The following NUDT6 variants were observed in gnomAD, a reference collection of about 807,000 sequenced individuals.
NUDT6 encodes FAD diphosphatase NUDT6.
In NUDT6, 24 loss-of-function variants were observed where a neutral mutation model predicts 36.8. The ratio of observed to expected loss-of-function variants is 0.65; its 90% CI spans 0.47 to 0.92. The LOEUF is 0.92. NUDT6 is among the 40% of genes least tolerant of loss of function. The pLI is 0.00. For missense variants in NUDT6, 388 were observed against 392.8 expected (o/e 0.99, Z 0.10); for synonymous variants, 163 against 157.0 (o/e 1.04, Z -0.29).
upstream of NUDT6, chr4:122,922,773 GA>G: frequency 1.7e-6 from 1 of 586,502 alleles, no homozygotes; most frequent in Non-Finnish European, 3.0e-6. Flanking sequence ...GTTAAGCGGG[GA>G]AAACCTCCTC....
At chr4:122,905,775 G>A (rs1238144258) in intron 3 of NUDT6, among the ~76,000 whole-genome samples, 1 of 152,112 alleles carries the variant, frequency 6.6e-6, no homozygotes, top group Non-Finnish European at 1.5e-5. Flanking sequence ...ATATTTGGAG[G>A]CTAAGACTGC....
chr4:122,898,104 ATATTG>A (rs1183068673), intron 3 of NUDT6: 1 of 159,850 alleles, frequency 6.3e-6, no homozygotes, highest in African/African-American at 2.4e-5. Flanking sequence ...TCTATTTCCT[ATATTG>A]TATTTCTAAT....
rs772875454 is a variant in NUDT6 at position 122,922,493 on chromosome 4, C to A, written c.80G>T (p.Arg27Leu). ...GTAACCCTGTGCGCCCGAGGCCCAG[C>A]GGTAACCCGCCGAAGGCCCGGGGCC... Reference protein sequence around the residue: ...TYGPGPSAGYRWASGAQGYVR... With the variant: ...TYGPGPSAGYLWASGAQGYVR... Residue 27 changes from arginine (R) to leucine (L), a missense_variant, in exon 1 of 5, where the codon CGC (arginine) becomes CTC (leucine). Coordinates refer to ENST00000304430, the MANE Select transcript of NUDT6 (RefSeq NM_007083.5). 5 of 1,610,754 alleles carry A rather than the reference C, an allele frequency of 3.1e-6. No homozygotes were observed. The highest frequency in any genetic ancestry group is 1.1e-5 in the South Asian group (1 of 91,034).
chr4:122,917,412 T>C, intron 2 of NUDT6, 89 bp downstream of exon 2: 3 of 1,079,832 alleles, frequency 2.8e-6, no homozygotes, highest in Admixed American at 3.4e-5. Context: ...TCATTCCACA[T>C]GAATAAACTA....
At position 122,897,682 on chromosome 4, in the gene NUDT6, C is replaced by A; in HGVS notation, c.499-4G>T. ...GAAACTTCCACATATTTTTCAACTG[C>A]AGTATAAAGTCAGAAAATAAAGTTA... On this transcript the variant is annotated splice_polypyrimidine_tract_variant and splice_region_variant and intron_variant, in intron 3 of 4. Coordinates refer to ENST00000304430, the MANE Select transcript of NUDT6 (RefSeq NM_007083.5). 8.8e-6 allele frequency: 14 copies of A among 1,595,472 alleles called. No homozygotes were observed. The highest frequency in any genetic ancestry group is 1.2e-5 in the Non-Finnish European group (14 of 1,163,104).
At chr4:122,919,854 C>T (rs1727930135) in intron 1 of NUDT6, 1 of 152,180 alleles carries the variant, frequency 6.6e-6, no homozygotes, top group African/African-American at 2.4e-5. Context: ...ATTTAATATT[C>T]CATGCATTTG....
chr4:122,921,661 G>A (rs918048389), intron 1 of NUDT6: 2 of 149,866 alleles, frequency 1.3e-5, no homozygotes, highest in South Asian at 2.1e-4. Context: ...CTGGATTATG[G>A]TTGAATGCTT....
intron 3 of NUDT6, among the ~76,000 whole-genome samples, chr4:122,908,150 G>C (rs771159403): frequency 6.6e-6 from 1 of 152,142 alleles, no homozygotes; most frequent in Non-Finnish European, 1.5e-5. Context: ...GATGTGTAGG[G>C]AGGTTGGACA....
chr4:122,896,532 T>G (rs1030904029), intron 4 of NUDT6: 2 of 152,176 alleles, frequency 1.3e-5, no homozygotes, highest in Non-Finnish European at 2.9e-5. Flanking sequence ...AATTAGGCTG[T>G]AGAACAAATG....
Position 122,920,001 on chromosome 4 carries a change from A to T in NUDT6, c.239-2297T>A, listed in dbSNP as rs532886080. The T allele has an allele frequency of 3.3e-5, 5 of 152,368 alleles. No individual in the cohort carries two copies. The South Asian group carries it at 1.0e-3, about 32-fold the overall frequency. The allele number at this position is 152,368 out of a possible 1,614,324, so 9.4% of individuals were successfully genotyped here. A position where few individuals can be genotyped will look rare whatever the true frequency, so the allele number is the denominator to read the frequency against. ...CAGTGCTATTTCATTACTGATGCAG[A>T]TATGTTATGTGTGAAGCTAACAACA... On this transcript the variant is annotated intron_variant, in intron 1 of 4. Coordinates refer to ENST00000304430, the MANE Select transcript of NUDT6 (RefSeq NM_007083.5).
Position 122,917,410 on chromosome 4 carries a change from C to T in NUDT6, c.442+91G>A. 9.4e-6 allele frequency: 10 copies of T among 1,067,380 alleles called. No homozygotes were observed. In the South Asian group the frequency reaches 1.3e-4, roughly 14 times the overall value. 66.1% of individuals were successfully genotyped at this position (1,067,380 alleles called of 1,614,324 possible). ...TCATTTAATCAAATAACTCATTCCACATGAATAAACTATTTGCTTAGCTGT... is the reference window on the plus strand; with the variant it reads ...TCATTTAATCAAATAACTCATTCCATATGAATAAACTATTTGCTTAGCTGT... On this transcript the variant is annotated intron_variant, in intron 2 of 4. Coordinates refer to ENST00000304430, the MANE Select transcript of NUDT6 (RefSeq NM_007083.5).
At position 122,922,546 on chromosome 4, in the gene NUDT6, G is replaced by C. The variant is rs1208902275; in HGVS notation, c.27C>G (p.Arg9=). Residue 9 remains arginine, a synonymous_variant, in exon 1 of 5, where the codon CGC becomes CGG. Coordinates refer to ENST00000304430, the MANE Select transcript of NUDT6 (RefSeq NM_007083.5). ...AGGTTCGGGCAAGCATCGCGCGCCA[G>C]CGGCCCCAGCTCAGTGGCTGCCGCA... The part of the protein sequence containing the change: MRQPLSWG[R]WRAMLARTYG... The C allele has an allele frequency of 1.2e-6, 2 of 1,602,446 alleles. No individual in the cohort carries two copies. The highest frequency in any genetic ancestry group is 2.2e-5 in the South Asian group (2 of 90,850).
intron 3 of NUDT6, among the ~76,000 whole-genome samples, chr4:122,902,241 C>A (rs1477062271): frequency 6.7e-6 from 1 of 150,284 alleles, no homozygotes; most frequent in Admixed American, 6.7e-5. Flanking sequence ...ATGTATATGG[C>A]AAGCATAAAG....
At chr4:122,911,037 A>G (rs1727722441) in intron 3 of NUDT6, among the ~76,000 whole-genome samples, 1 of 152,234 alleles carries the variant, frequency 6.6e-6, no homozygotes, top group Admixed American at 6.5e-5. Context: ...TGTTTTAAAC[A>G]TAACAAAAGA....
In NUDT6 at chr4:122,892,583, G is replaced by A. The variant is rs1727216746; in HGVS notation, c.*245C>T. On this transcript the variant is annotated 3_prime_UTR_variant, in exon 5 of 5. Coordinates refer to ENST00000304430, the MANE Select transcript of NUDT6 (RefSeq NM_007083.5). Reference sequence around the variant, plus strand: ...AGAAAAATAACAAAAGTTGTAAAATGTATATTCTCCCTTTTATATTGCATC... The same window carrying A: ...AGAAAAATAACAAAAGTTGTAAAATATATATTCTCCCTTTTATATTGCATC... 3.5e-6 allele frequency: 5 copies of A among 1,444,532 alleles called. No individual in the cohort carries two copies. The Admixed American group carries it at 1.1e-4, about 32-fold the overall frequency. 89.5% of individuals were successfully genotyped at this position (1,444,532 alleles called of 1,614,324 possible).
At chr4:122,915,976 A>T (rs1191455047) in intron 2 of NUDT6, among the ~76,000 whole-genome samples, 1 of 152,204 alleles carries the variant, frequency 6.6e-6, no homozygotes, top group African/African-American at 2.4e-5. Flanking sequence ...AATTATATAA[A>T]GGCAAATAAA....
chr4:122,903,874 A>G (rs1727569342), intron 3 of NUDT6, among the ~76,000 whole-genome samples: 1 of 152,154 alleles, frequency 6.6e-6, no homozygotes, highest in Non-Finnish European at 1.5e-5. Context: ...TTCCCAAGAG[A>G]CACCAGCAAG....
intron 2 of NUDT6, among the ~76,000 whole-genome samples, chr4:122,916,122 A>G (rs1467518282): frequency 6.6e-6 from 1 of 152,228 alleles, no homozygotes; most frequent in Middle Eastern, 3.2e-3. Flanking sequence ...CACCAGCAGC[A>G]GCAGCAGCAG....
In NUDT6 at chr4:122,897,782, A is replaced by G. The variant is rs1287030710; in HGVS notation, c.499-104T>C. 5 of 808,270 alleles carry G rather than the reference A, an allele frequency of 6.2e-6. No individual in the cohort carries two copies. The African/African-American group carries it at 8.7e-5, about 14-fold the overall frequency. The allele number at this position is 808,270 out of a possible 1,614,324, so 50.1% of individuals were successfully genotyped here. Reference sequence around the variant, plus strand: ...ATAATTGGTCAAAGTGGTTGAGAATATATTTTTTAGTAATTGCATGCAAAA... The same window carrying G: ...ATAATTGGTCAAAGTGGTTGAGAATGTATTTTTTAGTAATTGCATGCAAAA... On this transcript the variant is annotated intron_variant, in intron 3 of 4. Coordinates refer to ENST00000304430, the MANE Select transcript of NUDT6 (RefSeq NM_007083.5).
Sources: gnomAD v4.1 joint callset for allele counts (sites outside exome capture counted in the v4.1 genomes callset) on GRCh38, gnomAD v4.1.1 for gene constraint, MANE v1.5 for transcripts, NCBI Gene and HGNC (gene_info 2026-07-23, HGNC 2026-07-21) for gene names.